The following AGTPBP1 variants were observed in gnomAD, a reference collection of about 807,000 sequenced individuals.
AGTPBP1 encodes the protein ATP/GTP binding carboxypeptidase 1.
In AGTPBP1, 70 loss-of-function variants were observed where a neutral mutation model predicts 143.9. That is an observed-to-expected ratio of 0.49 (90% CI 0.40 to 0.59). The LOEUF is 0.59. Among genes scored for constraint, AGTPBP1 ranks in the 20% least tolerant of loss-of-function variants. AGTPBP1 has a pLI of 0.00. For synonymous variants in AGTPBP1, 463 were observed against 500.2 expected (o/e 0.93, Z 0.99); for missense variants, 1,229 against 1,464.5 (o/e 0.84, Z 2.62).
chr9:85,774,130 A>G, the AGTPBP1 span: 4 of 875,410 alleles, frequency 4.6e-6, no homozygotes, highest in Non-Finnish European at 3.7e-6. Context: ...AAAGCTCAAC[A>G]TGTTTAAATA....
intron 25 of AGTPBP1, among the ~76,000 whole-genome samples, chr9:85,566,256 A>T (rs1474000032): frequency 6.6e-6 from 1 of 152,204 alleles, no homozygotes; most frequent in African/African-American, 2.4e-5. Flanking sequence ...ACAGTGGCTC[A>T]TGCCTGTAAT....
At chr9:85,784,498 C>G in the AGTPBP1 span, among the ~76,000 whole-genome samples, 8 of 152,194 alleles carry the variant, frequency 5.3e-5, no homozygotes, top group African/African-American at 1.9e-4. Context: ...GCCTCAAACT[C>G]CTGGGCTTGA....
chr9:85,779,406 G>A, the AGTPBP1 span, among the ~76,000 whole-genome samples: 1 of 152,018 alleles, frequency 6.6e-6, no homozygotes, highest in Admixed American at 6.6e-5. Flanking sequence ...CGAAACTGAA[G>A]AGCTTAGAGT....
intron 25 of AGTPBP1, among the ~76,000 whole-genome samples, chr9:85,550,194 T>TGAGA (rs761030919): frequency 1.1e-3 from 146 of 129,276 alleles, no homozygotes; most frequent in African/African-American, 3.1e-3. Context: ...TGTGTGTGTG[T>TGAGA]GAGAGAGAGA....
intron 17 of AGTPBP1, among the ~76,000 whole-genome samples, 180 bp downstream of exon 17, chr9:85,618,803 T>A (rs1830741191): frequency 1.3e-5 from 2 of 152,328 alleles, no homozygotes; most frequent in South Asian, 4.1e-4. Context: ...TAAGAGTAAC[T>A]CTTTTTCACC....
In AGTPBP1 at chr9:85,589,538, G is replaced by A; in HGVS notation, c.2712C>T (p.Ile904=). 3.7e-6 allele frequency: 6 copies of A among 1,604,558 alleles called. No homozygotes were observed. Among genetic ancestry groups the A allele is most frequent in the Non-Finnish European group, 4.2e-6 (5 of 1,177,016 alleles). Residue 904 remains isoleucine (I), a synonymous_variant, in exon 20 of 26, where the codon ATC becomes ATT. Transcript: ENST00000357081. ...AMPESNYYEH[I]CHFRNRPYVF... The stretch of plus-strand genomic sequence containing the variant: ...GGAAGACAAACTTACTGAAATGGCA[G>A]ATATGTTCATAATAATTAGACTCTG...
chr9:85,655,859 GCT>G (rs1564111198), intron 10 of AGTPBP1, among the ~76,000 whole-genome samples: 1 of 151,966 alleles, frequency 6.6e-6, no homozygotes, highest in Admixed American at 6.6e-5. Context: ...ATGGAATCTC[GCT>G]CTGTCACCCA....
In AGTPBP1 at chr9:85,623,275, G is replaced by T. The variant is rs112290325; in HGVS notation, c.2016-1990C>A. Among the ~76,000 whole-genome samples the T allele has an allele frequency of 2.3e-3, 339 of 150,024 alleles. 1 individual carries two copies. The highest frequency in any genetic ancestry group is 8.1e-3 in the African/African-American group (321 of 39,622). On this transcript the variant is annotated intron_variant, in intron 14 of 25. Transcript: ENST00000357081. Reference sequence around the variant, plus strand: ...GGAATCTCCCAAATTTTAAAGGCTGGCAATTGGTTTAAAAAAAAAAATGCC... The same window carrying T: ...GGAATCTCCCAAATTTTAAAGGCTGTCAATTGGTTTAAAAAAAAAAATGCC...
chr9:85,668,966 CATGTGTGTGT>C (rs1306035483), intron 8 of AGTPBP1, among the ~76,000 whole-genome samples: 9 of 67,572 alleles, frequency 1.3e-4, no homozygotes, highest in African/African-American at 7.1e-4. Flanking sequence ...TACATACATA[CATGTGTGTGT>C]GTGTGTGTGT....
chr9:85,577,604 A>G (rs901399265), intron 24 of AGTPBP1, among the ~76,000 whole-genome samples: 1 of 152,240 alleles, frequency 6.6e-6, no homozygotes, highest in Admixed American at 6.5e-5. Flanking sequence ...TACACTTTGG[A>G]AGATCACACT....
intron 7 of AGTPBP1, among the ~76,000 whole-genome samples, chr9:85,669,796 C>CAA (rs35265103): frequency 6.1e-4 from 77 of 126,424 alleles, no homozygotes; most frequent in African/African-American, 1.6e-3. Flanking sequence ...GAGTTATATG[C>CAA]AAAAAAAAAA....
intron 9 of AGTPBP1, 83 bp from the exon 10 acceptor site, chr9:85,657,726 C>A (rs925984944): frequency 2.1e-6 from 2 of 933,580 alleles, no homozygotes; most frequent in Admixed American, 3.0e-5. Context: ...AATATTACCT[C>A]AATATTGTGA....
chr9:85,628,291 T>A (rs997260926), intron 14 of AGTPBP1, among the ~76,000 whole-genome samples: 1 of 152,128 alleles, frequency 6.6e-6, no homozygotes, highest in African/African-American at 2.4e-5. Context: ...TAGTGAAATA[T>A]GGTTATACTC....
intron 1 of AGTPBP1, among the ~76,000 whole-genome samples, chr9:85,730,340 CT>C (rs1431114512): frequency 2.0e-5 from 3 of 152,144 alleles, no homozygotes; most frequent in Admixed American, 6.5e-5. Context: ...CTTTAAATAT[CT>C]TTTTTATCTG....
intron 25 of AGTPBP1, among the ~76,000 whole-genome samples, chr9:85,551,057 T>A (rs757504577): frequency 2.6e-5 from 4 of 151,510 alleles, no homozygotes; most frequent in Non-Finnish European, 5.9e-5. Context: ...AGTGTGGCAC[T>A]TCCCCCTCTC....
chr9:85,790,350 T>G, the AGTPBP1 span, among the ~76,000 whole-genome samples: 1 of 152,136 alleles, frequency 6.6e-6, no homozygotes, highest in Non-Finnish European at 1.5e-5. Flanking sequence ...TTTCATAGGT[T>G]TTGTTGTTTT....
intron 1 of AGTPBP1, among the ~76,000 whole-genome samples, chr9:85,730,614 A>G (rs1838813387): frequency 6.6e-6 from 1 of 152,114 alleles, no homozygotes; most frequent in Non-Finnish European, 1.5e-5. Flanking sequence ...CTGGTACCCT[A>G]AGGGGTAAAT....
intron 24 of AGTPBP1, 124 bp downstream of exon 24, chr9:85,578,774 TAAGACTGCATATGATTCCATTA>T (rs2133088120): frequency 2.5e-6 from 2 of 797,384 alleles, no homozygotes; most frequent in South Asian, 4.0e-5. Flanking sequence ...AACCTATTCT[TAAGACTGCATATGATTCCATTA>T]TTACATATTA....
intron 12 of AGTPBP1, among the ~76,000 whole-genome samples, chr9:85,645,299 G>A (rs1374713147): frequency 6.6e-6 from 1 of 152,162 alleles, no homozygotes; most frequent in Non-Finnish European, 1.5e-5. Context: ...CCAGTGAATA[G>A]TGAATAATGC....
Sources: gnomAD v4.1 joint callset for allele counts (sites outside exome capture counted in the v4.1 genomes callset) on GRCh38, gnomAD v4.1.1 for gene constraint, MANE v1.5 for transcripts, NCBI Gene and HGNC (gene_info 2026-07-23, HGNC 2026-07-21) for gene names.